The following TCF23 variants were observed in gnomAD, a reference collection of about 807,000 sequenced individuals.
TCF23 encodes the protein transcription factor 23, also known as class A basic helix-loop-helix protein 24.
Under a neutral mutation model 13.0 loss-of-function variants are expected in TCF23, and 7 were observed. The ratio of observed to expected loss-of-function variants is 0.54; its 90% confidence interval spans 0.31 to 1.01. TCF23 has a LOEUF of 1.01. Ranked by LOEUF, TCF23 falls within the 50% of genes least tolerant of loss-of-function variation. The probability of loss-of-function intolerance (pLI) is 0.06; values close to 1 mark genes in which losing one functional copy is unlikely to be tolerated. For missense variants in TCF23, 257 were observed against 289.8 expected, an observed-to-expected ratio of 0.89 and a Z score of 0.82; for synonymous variants, 122 against 119.5, an observed-to-expected ratio of 1.02 and a Z score of -0.14.
Position 27,149,093 on chromosome 2 carries a change from C to G in TCF23, c.-41C>G, listed in dbSNP as rs1393882753. The G allele has an allele frequency of 2.6e-6, 4 of 1,535,150 alleles. No homozygotes were observed. The highest frequency in any genetic ancestry group is 2.6e-6 in the Non-Finnish European group (3 of 1,136,418). ...CTTGAGTCCAAGGCCTCCTCAGGCA[C>G]TGTGTTTCTGCTCTGTGGGCTGCAG... On this transcript the variant is annotated 5_prime_UTR_variant, in exon 1 of 3. Transcript: ENST00000296096.
intron 2 of TCF23, among the ~76,000 whole-genome samples, chr2:27,152,469 C>G (rs988166367): frequency 1.3e-5 from 2 of 152,212 alleles, no homozygotes; most frequent in African/African-American, 4.8e-5. Context: ...GGGGCCCTCT[C>G]CCTCCTCAGA....
chr2:27,149,708 G>T (rs765941958), intron 1 of TCF23: 1 of 588,722 alleles, frequency 1.7e-6, no homozygotes, highest in South Asian at 1.5e-5. Context: ...CTTTCCCACA[G>T]CAGCCTCGTC....
chr2:27,149,461 C>A, intron 1 of TCF23, 106 bp downstream of exon 1: 1 of 1,131,014 alleles, frequency 8.8e-7, no homozygotes, highest in Non-Finnish European at 1.3e-6. Context: ...ACCATTCCTG[C>A]CCAAGAGAGG....
Position 27,153,054 on chromosome 2 carries a change from C to A in TCF23, c.*187C>A. ...CCTAGAGGGGCACAGGTTGGAGAGC[C>A]TCCTCCTTGGTCCCCAGGAGGGGAC... On this transcript the variant is annotated 3_prime_UTR_variant, in exon 3 of 3. Coordinates refer to ENST00000296096, the MANE Select transcript of TCF23 (RefSeq NM_175769.3). 7.4e-7 allele frequency: 1 copy of A among 1,347,842 alleles called. No homozygotes were observed. The highest frequency in any genetic ancestry group is 9.6e-7 in the Non-Finnish European group (1 of 1,044,700). 83.5% of individuals were successfully genotyped at this position (1,347,842 alleles called of 1,614,324 possible). A position where few individuals can be genotyped will look rare whatever the true frequency, so the allele number is the denominator to read the frequency against.
Position 27,149,237 on chromosome 2 carries a change from G to C in TCF23, c.104G>C (p.Ser35Thr). ...RLLPGADRKR[S>T]RLSRTRQDPW... ...CTGCCAGGCGCTGACAGGAAGAGGAGCCGCCTCAGCAGGACAAGGCAGGAC... is the reference window on the plus strand; with the variant it reads ...CTGCCAGGCGCTGACAGGAAGAGGACCCGCCTCAGCAGGACAAGGCAGGAC... The change falls in exon 1 of 3, where the codon AGC (serine) becomes ACC (threonine). Residue 35 changes from serine (S) to threonine (T), a missense_variant. Physicochemically the swap from Ser to Thr is moderately conservative, Grantham distance 58. Transcript: ENST00000296096. 1.3e-6 allele frequency: 2 copies of C among 1,570,688 alleles called. No individual in the cohort carries two copies. The highest frequency in any genetic ancestry group is 1.7e-6 in the Non-Finnish European group (2 of 1,157,978).
chr2:27,152,067 G>A (rs1234676897), intron 2 of TCF23, among the ~76,000 whole-genome samples: 1 of 152,212 alleles, frequency 6.6e-6, no homozygotes, highest in Non-Finnish European at 1.5e-5. Context: ...GGATGATATA[G>A]TAGTTTCCTT....
In TCF23 at chr2:27,150,439, G is replaced by T; in HGVS notation, c.465+74G>T. 1 of 1,572,084 alleles carries T rather than the reference G, an allele frequency of 6.4e-7. No homozygotes were observed. Among genetic ancestry groups the T allele is most frequent in the Non-Finnish European group, 8.7e-7 (1 of 1,153,858 alleles). On this transcript the variant is annotated intron_variant, in intron 2 of 2. Coordinates refer to ENST00000296096, the MANE Select transcript of TCF23 (RefSeq NM_175769.3). The surrounding 1 kb of genome is among the most constrained non-coding windows in gnomAD (Gnocchi z 4.1). ...CCTTGGAGAAAGGGATTGGAATGAG[G>T]GGGGACATTGGACTTGGGCCCCCTG... is the stretch of plus-strand genomic sequence containing the variant.
rs955548368 is a variant in TCF23 at position 27,149,339 on chromosome 2, G to C, written c.206G>C (p.Gly69Ala). The change falls in exon 1 of 3, where the codon GGC becomes GCC. Residue 69 changes from glycine to alanine, a missense_variant. Gly to Ala is a moderately conservative substitution (Grantham distance 60). Coordinates refer to ENST00000296096, the MANE Select transcript of TCF23 (RefSeq NM_175769.3). Reference sequence around the variant, plus strand: ...GGCCCTCGAGGGACCAGGGCTGGGGGCCTGGCTCTTGGCAGGGTAAGGAAA... The same window carrying C: ...GGCCCTCGAGGGACCAGGGCTGGGGCCCTGGCTCTTGGCAGGGTAAGGAAA... Reference protein sequence around the residue: ...TPGPRGTRAGGLALGRSEASP... With the variant: ...TPGPRGTRAGALALGRSEASP... The C allele has an allele frequency of 6.3e-7, 1 of 1,583,094 alleles. No homozygotes were observed. Among genetic ancestry groups the C allele is most frequent in the South Asian group, 1.2e-5 (1 of 86,308 alleles).
chr2:27,152,512 G>T (rs1033660359), intron 2 of TCF23, among the ~76,000 whole-genome samples, 176 bp from the exon 3 acceptor site: 1 of 152,192 alleles, frequency 6.6e-6, no homozygotes, highest in Non-Finnish European at 1.5e-5. Context: ...CCAGGCTCTG[G>T]GTGATCAGGA....
At chr2:27,151,764 T>G (rs1182542414) in intron 2 of TCF23, among the ~76,000 whole-genome samples, 1 of 151,466 alleles carries the variant, frequency 6.6e-6, no homozygotes, top group East Asian at 1.9e-4. Flanking sequence ...GCTTCCCCAG[T>G]AGCTGGGACT....
chr2:27,149,478 T>C, intron 1 of TCF23, 123 bp downstream of exon 1: 1 of 967,840 alleles, frequency 1.0e-6, no homozygotes, highest in Non-Finnish European at 1.5e-6. Context: ...GAGGGGACAC[T>C]GGCCCCTTAG....
Position 27,150,313 on chromosome 2 carries a change from G to T in TCF23, c.413G>T (p.Gly138Val), listed in dbSNP as rs763666809. The T allele has an allele frequency of 1.1e-5, 18 of 1,613,588 alleles. No individual in the cohort carries two copies. The highest frequency in any genetic ancestry group is 3.3e-5 in the Admixed American group (2 of 60,004). ...LTRTLGHELP[G>V]PAWPPFLRGL... ...CGCACACTCGGCCACGAGTTGCCTG[G>T]CCCTGCCTGGCCGCCCTTCCTGCGT... Residue 138 changes from glycine (G) to valine (V), a missense_variant, in exon 2 of 3, where the codon GGC becomes GTC. Physicochemically the swap from Gly to Val is moderately radical, Grantham distance 109 (BLOSUM62 -3). Coordinates refer to ENST00000296096, the MANE Select transcript of TCF23 (RefSeq NM_175769.3). This position sits in a 1 kb window ranked among gnomAD's most constrained non-coding sequence, Gnocchi z 4.1.
chr2:27,149,160 A>G lies in TCF23; in HGVS notation c.27A>G (p.Pro9=). 6.4e-7 allele frequency: 1 copy of G among 1,550,410 alleles called. No homozygotes were observed. Among genetic ancestry groups the G allele is most frequent in the Non-Finnish European group, 8.7e-7 (1 of 1,147,164 alleles). Residue 9 remains proline, a synonymous_variant, in exon 1 of 3, where the codon CCA becomes CCG. Coordinates refer to ENST00000296096, the MANE Select transcript of TCF23 (RefSeq NM_175769.3). MSQRKARG[P]PAMPGVGHSQ... ...TGTCACAGAGGAAGGCCAGAGGGCC[A>G]CCAGCCATGCCAGGGGTGGGGCATA...
chr2:27,152,050 G>A (rs946516692), intron 2 of TCF23, among the ~76,000 whole-genome samples: 1 of 152,170 alleles, frequency 6.6e-6, no homozygotes, highest in African/African-American at 2.4e-5. Flanking sequence ...GGTGGTGCAG[G>A]GTCCTGGGAT....
In TCF23 at chr2:27,149,029, T is replaced by A. The variant is rs139694634; in HGVS notation, c.-105T>A. The A allele has an allele frequency of 5.7e-4, 627 of 1,109,658 alleles. 3 individuals are homozygous for A. In the African/African-American group the frequency reaches 7.4e-3, roughly 13 times the overall value. 68.7% of individuals were successfully genotyped at this position (1,109,658 alleles called of 1,614,324 possible). A position where few individuals can be genotyped will look rare whatever the true frequency, so the allele number is the denominator to read the frequency against. On this transcript the variant is annotated 5_prime_UTR_variant, in exon 1 of 3. An upstream open reading frame in the 5' UTR loses its in-frame stop. Coordinates refer to ENST00000296096, the MANE Select transcript of TCF23 (RefSeq NM_175769.3). Reference sequence around the variant, plus strand: ...GAGTTGGCGCCAGCTTCCTCGGATGTAGATATTGCTGGCTGGATGACCAGC... The same window carrying A: ...GAGTTGGCGCCAGCTTCCTCGGATGAAGATATTGCTGGCTGGATGACCAGC...
Position 27,150,894 on chromosome 2 carries a change from G to A in TCF23, c.465+529G>A, listed in dbSNP as rs1672752503. ...GCACCACTTGCCAGACTGCAATCTAGCTTTTCTCAACCTCAGTTTTATTAC... is the reference window on the plus strand; with the variant it reads ...GCACCACTTGCCAGACTGCAATCTAACTTTTCTCAACCTCAGTTTTATTAC... On this transcript the variant is annotated intron_variant, in intron 2 of 2. Coordinates refer to ENST00000296096, the MANE Select transcript of TCF23 (RefSeq NM_175769.3). This position sits in a 1 kb window ranked among gnomAD's most constrained non-coding sequence, Gnocchi z 4.1. Among the ~76,000 whole-genome samples, 1 of 152,170 alleles carries A rather than the reference G, an allele frequency of 6.6e-6. No homozygotes were observed. The highest frequency in any genetic ancestry group is 1.5e-5 in the Non-Finnish European group (1 of 68,034).
chr2:27,152,576 G>T, intron 2 of TCF23, 112 bp from the exon 3 acceptor site: 1 of 1,235,554 alleles, frequency 8.1e-7, no homozygotes, highest in East Asian at 2.4e-5. Flanking sequence ...TGATGGCTGG[G>T]GAAGGTGTCA....
At position 27,155,115 on chromosome 2, in the gene TCF23, C is replaced by T. The variant is rs1271213977; in HGVS notation, c.*2248C>T. On this transcript the variant is annotated 3_prime_UTR_variant, in exon 3 of 3. Coordinates refer to ENST00000296096, the MANE Select transcript of TCF23 (RefSeq NM_175769.3). Reference sequence around the variant, plus strand: ...CAGGAAGGATGACGCAGGTGGAGGGCTGCAGGAGGCAGGTCCCATCGCTAC... The same window carrying T: ...CAGGAAGGATGACGCAGGTGGAGGGTTGCAGGAGGCAGGTCCCATCGCTAC... 6.5e-6 allele frequency: 1 copy of T among 152,826 alleles called. No homozygotes were observed. The highest frequency in any genetic ancestry group is 2.4e-5 in the African/African-American group (1 of 41,464). 9.5% of individuals were successfully genotyped at this position (152,826 alleles called of 1,614,324 possible).
At chr2:27,152,571 G>A in intron 2 of TCF23, 117 bp from the exon 3 acceptor site, 1 of 1,179,848 alleles carries the variant, frequency 8.5e-7, no homozygotes, top group East Asian at 2.4e-5. Flanking sequence ...AGCAGTGATG[G>A]CTGGGGAAGG....
Sources: allele counts gnomAD v4.1 joint callset (sites outside exome capture counted in the v4.1 genomes callset), GRCh38; gene constraint gnomAD v4.1.1; non-coding constraint Gnocchi (gnomAD v3.1); transcripts MANE v1.5; gene names NCBI Gene and HGNC (gene_info 2026-07-23, HGNC 2026-07-21).